The following YY1AP1 variants were observed in gnomAD, a reference collection of about 807,000 sequenced individuals.
YY1AP1 encodes the protein YY1-associated protein 1.
YY1AP1 carries 43 observed loss-of-function variants against 39.9 expected under a neutral mutation model. The ratio of observed to expected loss-of-function variants is 1.08; its 90% confidence interval spans 0.84 to 1.39. The LOEUF is 1.39. Ranked by LOEUF, YY1AP1 falls within the 40% of genes most tolerant of loss-of-function variation. YY1AP1 has a pLI of 0.00. For synonymous variants in YY1AP1, 292 were observed against 331.3 expected (o/e 0.88, Z 1.29); for missense variants, 813 against 900.7 (o/e 0.90, Z 1.25).
At chr1:155,661,886 G>A (rs1486921299) in intron 9 of YY1AP1, among the ~76,000 whole-genome samples, 1 of 152,092 alleles carries the variant, frequency 6.6e-6, no homozygotes, top group Non-Finnish European at 1.5e-5. Flanking sequence ...TCGATCTCCT[G>A]ACCTCGTGAT....
chr1:155,688,517 G>A, intron 1 of YY1AP1, 142 bp downstream of exon 1: 3 of 1,545,602 alleles, frequency 1.9e-6, no homozygotes, highest in Non-Finnish European at 8.7e-7. Context: ...CTCGTCGCTG[G>A]CTGCTCCCAC....
At chr1:155,681,517 A>G (rs1381555695) in intron 2 of YY1AP1, among the ~76,000 whole-genome samples, 1 of 152,148 alleles carries the variant, frequency 6.6e-6, no homozygotes, top group Non-Finnish European at 1.5e-5. Context: ...TGAGTCCAAG[A>G]AGCAGAGGCT....
chr1:155,671,860 C>T (rs1246190189), intron 7 of YY1AP1, among the ~76,000 whole-genome samples: 1 of 152,144 alleles, frequency 6.6e-6, no homozygotes, highest in African/African-American at 2.4e-5. Flanking sequence ...CAACTACATT[C>T]AATGTAATGA....
At chr1:155,665,584 AAAGCGAGACTCG>A (rs1410861400) in intron 9 of YY1AP1, among the ~76,000 whole-genome samples, 1 of 151,666 alleles carries the variant, frequency 6.6e-6, no homozygotes, top group South Asian at 2.1e-4. Context: ...CCTGGGCAAC[AAAGCGAGACTCG>A]GTCTCAAAAA....
At chr1:155,688,380 G>C (rs1236850819) in intron 1 of YY1AP1, 179 bp from the exon 2 acceptor site, 6 of 1,544,288 alleles carry the variant, frequency 3.9e-6, no homozygotes, top group African/African-American at 2.7e-5. Flanking sequence ...AGGGAGCTAA[G>C]GGCGCCTAGC....
chr1:155,688,641 G>A lies in YY1AP1; in HGVS notation c.-152+18C>T. Reference sequence around the variant, plus strand: ...CAGACCCTGTCAAGCCGGCTCCAGCGCAGGCCCTCACGCGTACCTTCAGCG... The same window carrying A: ...CAGACCCTGTCAAGCCGGCTCCAGCACAGGCCCTCACGCGTACCTTCAGCG... On this transcript the variant is annotated intron_variant, in intron 1 of 10. Coordinates refer to ENST00000355499, the MANE Select transcript of YY1AP1 (RefSeq NM_139119.3). 6.5e-7 allele frequency: 1 copy of A among 1,534,282 alleles called. No individual in the cohort carries two copies. The highest frequency in any genetic ancestry group is 8.7e-7 in the Non-Finnish European group (1 of 1,146,510).
intron 2 of YY1AP1, among the ~76,000 whole-genome samples, chr1:155,686,152 A>C (rs1571372045): frequency 6.8e-6 from 1 of 146,484 alleles, no homozygotes; most frequent in Non-Finnish European, 1.5e-5. Context: ...CTCCTGCCTC[A>C]GCCTCCCCGA....
At chr1:155,670,675 C>CTT (rs58881636) in intron 7 of YY1AP1, 4,488 of 324,284 alleles carry the variant, frequency 0.014, 98 homozygotes, top group African/African-American at 0.068. Context: ...TAAAAGTTGA[C>CTT]TTTTTTTTTT....
intron 3 of YY1AP1, 57 bp downstream of exon 3, chr1:155,680,359 A>C: frequency 6.2e-7 from 1 of 1,602,394 alleles, no homozygotes; most frequent in African/African-American, 1.3e-5. Context: ...CAAAGGACAC[A>C]TTTTGTTGGA....
intron 2 of YY1AP1, among the ~76,000 whole-genome samples, chr1:155,686,070 T>C (rs1652212455): frequency 7.0e-6 from 1 of 142,130 alleles, no homozygotes; most frequent in African/African-American, 2.6e-5. Flanking sequence ...GAGTCTCCTC[T>C]GTGGCCCAGG....
chr1:155,680,409 TACTC>T lies in YY1AP1; in HGVS notation c.21+3_21+6del, dbSNP rs762030178. The T allele has an allele frequency of 1.2e-6, 2 of 1,613,380 alleles. No homozygotes were observed. The highest frequency in any genetic ancestry group is 1.7e-6 in the Non-Finnish European group (2 of 1,179,570). On this transcript the variant is annotated splice_donor_5th_base_variant and intron_variant, in intron 3 of 10. Transcript: ENST00000355499. ...TCCCATGTTCTCACTTGAGGATCATTACTCACAGTTTCAAACAGATCTTCCATCA... is the reference window on the plus strand; with the variant it reads ...TCCCATGTTCTCACTTGAGGATCATTACAGTTTCAAACAGATCTTCCATCA...
rs994477959 is a variant in YY1AP1 at position 155,679,844 on chromosome 1, A to C, written c.22-332T>G. The C allele has an allele frequency of 1.3e-5, 15 of 1,134,968 alleles. No homozygotes were observed. The African/African-American group carries it at 2.3e-4, about 17-fold the overall frequency. The allele number at this position is 1,134,968 out of a possible 1,614,324, so 70.3% of individuals were successfully genotyped here. A position where few individuals can be genotyped will look rare whatever the true frequency, so the allele number is the denominator to read the frequency against. ...TTTGTGTGCAAAATACTTTAAAACT[A>C]GTTGGCAATCTTTAAGGACACACCA... is the stretch of plus-strand genomic sequence containing the variant. On this transcript the variant is annotated intron_variant, in intron 3 of 10. Transcript: ENST00000355499.
chr1:155,678,482 G>C (rs544480126), intron 4 of YY1AP1, among the ~76,000 whole-genome samples: 2 of 152,094 alleles, frequency 1.3e-5, no homozygotes, highest in Non-Finnish European at 2.9e-5. Flanking sequence ...TACGTTCCCA[G>C]GATGAATGGT....
At chr1:155,680,667 A>G (rs1651381523) in intron 2 of YY1AP1, among the ~76,000 whole-genome samples, 1 of 152,168 alleles carries the variant, frequency 6.6e-6, no homozygotes, top group Admixed American at 6.5e-5. Context: ...CCCAGGCTCA[A>G]GCGATCCTCC....
At chr1:155,670,295 T>G (rs368296062) in intron 8 of YY1AP1, 25 bp downstream of exon 8, 8 of 1,611,676 alleles carry the variant, frequency 5.0e-6, no homozygotes, top group East Asian at 4.5e-5. Flanking sequence ...CTTGGGATAT[T>G]TGATCCCCCA....
In YY1AP1 at chr1:155,659,789, C is replaced by T. The variant is rs185713547; in HGVS notation, c.2121G>A (p.Glu707=). ...GGAGCGGCTCCAGAGCTTGCCTTCC[C>T]TCCTCTGTTTTCACAACGGTCCAGC... ...AYRWTVVKTE[E]GRQALEPLPQ... is the part of the protein sequence containing the mutation. The change falls in exon 11 of 11, where the codon GAG becomes GAA. Residue 707 remains glutamate (E), a synonymous_variant. Coordinates refer to ENST00000355499, the MANE Select transcript of YY1AP1 (RefSeq NM_139119.3). The T allele has an allele frequency of 8.7e-6, 14 of 1,614,228 alleles. No individual in the cohort carries two copies. The highest frequency in any genetic ancestry group is 4.5e-5 in the East Asian group (2 of 44,882).
At position 155,660,746 on chromosome 1, in the gene YY1AP1, T is replaced by C; in HGVS notation, c.1164A>G (p.Val388=). ...CGGCAACTGGCTTCAGTTTCAGGACTACACCCTTAGGCAATAGCAGTGGGT... is the reference window on the plus strand; with the variant it reads ...CGGCAACTGGCTTCAGTTTCAGGACCACACCCTTAGGCAATAGCAGTGGGT... ...TRYPLLLPKG[V]VLKLKPVADR... The change falls in exon 11 of 11, where the codon GTA becomes GTG. Residue 388 remains valine (V), a synonymous_variant. Transcript: ENST00000355499. 2 of 1,614,250 alleles carry C rather than the reference T, an allele frequency of 1.2e-6. No homozygotes were observed. The highest frequency in any genetic ancestry group is 1.7e-6 in the Non-Finnish European group (2 of 1,180,042).
At position 155,660,606 on chromosome 1, in the gene YY1AP1, T is replaced by G. The variant is rs113197997; in HGVS notation, c.1304A>C (p.Gln435Pro). ...CGGAGGGGCTTCTGAATGAGTTGAT[T>G]GGGCTGGTGTTTTCCCAGGGTTGAA... is the stretch of plus-strand genomic sequence containing the variant. ...PSFNPGKTPA[Q>P]STHSEAPPSK... is the part of the protein sequence containing the mutation. Residue 435 changes from glutamine (Q) to proline (P), a missense_variant, in exon 11 of 11, where the codon CAA (glutamine) becomes CCA (proline). Gln to Pro is a moderately conservative substitution (Grantham distance 76, BLOSUM62 -1). Coordinates refer to ENST00000355499, the MANE Select transcript of YY1AP1 (RefSeq NM_139119.3). 4.3e-6 allele frequency: 7 copies of G among 1,614,008 alleles called. No individual in the cohort carries two copies. The highest frequency in any genetic ancestry group is 1.1e-5 in the South Asian group (1 of 91,080).
Position 155,660,804 on chromosome 1 carries a change from T to C in YY1AP1, c.1106A>G (p.Lys369Arg). 1 of 1,614,184 alleles carries C rather than the reference T, an allele frequency of 6.2e-7. No individual in the cohort carries two copies. Among genetic ancestry groups the C allele is most frequent in the Non-Finnish European group, 8.5e-7 (1 of 1,180,024 alleles). ...TEINSDQGLE[K>R]DNSELGSETR... ...TTCACTCCCCAACTCTGAGTTGTCT[T>C]TTTCTAGGCCTTGATCTGAGTTGAT... The change falls in exon 11 of 11, where the codon AAA becomes AGA. Residue 369 changes from lysine (K) to arginine (R), a missense_variant. By Grantham distance (26) the Lys-to-Arg change is conservative. Around this residue, in one of 3 missense-constraint regions of YY1AP1, gnomAD observed 586 missense variants for 647.4 expected, o/e 0.91. Coordinates refer to ENST00000355499, the MANE Select transcript of YY1AP1 (RefSeq NM_139119.3).
Sources: allele counts gnomAD v4.1 joint callset (sites outside exome capture counted in the v4.1 genomes callset), GRCh38; gene constraint gnomAD v4.1.1; regional missense constraint gnomAD v4.1.1; transcripts MANE v1.5; gene names NCBI Gene and HGNC (gene_info 2026-07-23, HGNC 2026-07-21).